The following PCSK5 variants were observed in gnomAD, a reference collection of about 807,000 sequenced individuals.
PCSK5 encodes the protein proprotein convertase subtilisin/kexin type 5.
Under a neutral mutation model 233.2 loss-of-function variants are expected in PCSK5, and 129 were observed. The observed-to-expected ratio is 0.55, with a 90% CI of 0.48 to 0.64. The LOEUF is 0.64. Ranked by LOEUF, PCSK5 falls within the 30% of genes least tolerant of loss-of-function variation. PCSK5 has a pLI of 0.00. For synonymous variants in PCSK5, 825 were observed against 879.2 expected (o/e 0.94, Z 1.09); for missense variants, 2,076 against 2,430.1 (o/e 0.85, Z 3.06).
At chr9:75,919,424 A>C (rs1823145519) in intron 1 of PCSK5, among the ~76,000 whole-genome samples, 1 of 152,150 alleles carries the variant, frequency 6.6e-6, no homozygotes, top group Admixed American at 6.5e-5. Flanking sequence ...GTCATGTACA[A>C]GTTTTTGAGT....
At chr9:76,327,862 C>T in intron 32 of PCSK5, 147 bp from the exon 33 acceptor site, 1 of 677,800 alleles carries the variant, frequency 1.5e-6, no homozygotes, top group Non-Finnish European at 2.7e-6. Context: ...GTACTCAACT[C>T]ATGGCCCCAC....
intron 7 of PCSK5, among the ~76,000 whole-genome samples, chr9:76,080,901 A>G (rs934211665): frequency 3.3e-5 from 5 of 152,222 alleles, no homozygotes. Flanking sequence ...TAATCATGCA[A>G]AATACCATAA....
chr9:75,906,476 C>T (rs1826269918), intron 1 of PCSK5, among the ~76,000 whole-genome samples: 3 of 152,170 alleles, frequency 2.0e-5, no homozygotes, highest in Non-Finnish European at 4.4e-5. Context: ...CTGCCTGCCT[C>T]AGCCTCCCAA....
chr9:76,190,620 A>G (rs7860028), intron 20 of PCSK5, among the ~76,000 whole-genome samples: 8,604 of 142,264 alleles, frequency 0.06, 660 homozygotes, highest in East Asian at 0.24. Context: ...ATCTCCTATT[A>G]TTTGGATTGT....
intron 20 of PCSK5, among the ~76,000 whole-genome samples, 168 bp downstream of exon 20, chr9:76,189,914 G>A (rs1339633817): frequency 2.0e-5 from 3 of 152,180 alleles, no homozygotes; most frequent in African/African-American, 4.8e-5. Flanking sequence ...TAATGGATTT[G>A]TTTGAATTGC....
intron 5 of PCSK5, among the ~76,000 whole-genome samples, chr9:76,038,673 A>G (rs1465658501): frequency 6.6e-6 from 1 of 152,216 alleles, no homozygotes; most frequent in Non-Finnish European, 1.5e-5. Context: ...TGAAGAGATC[A>G]AAGAGTTGGG....
intron 8 of PCSK5, among the ~76,000 whole-genome samples, chr9:76,101,996 G>A (rs80013826): frequency 1.6e-3 from 240 of 152,182 alleles, no homozygotes; most frequent in African/African-American, 5.3e-3. Context: ...ATGTGTTTTT[G>A]TTTATTTGGA....
chr9:76,205,529 T>A (rs77388602), intron 20 of PCSK5, among the ~76,000 whole-genome samples: 2,970 of 152,294 alleles, frequency 0.02, 108 homozygotes, highest in African/African-American at 0.067. Context: ...CCCACCATTC[T>A]GTAATATGTA....
chr9:76,075,174 C>T (rs1330712216), intron 7 of PCSK5, among the ~76,000 whole-genome samples: 1 of 152,014 alleles, frequency 6.6e-6, no homozygotes, highest in African/African-American at 2.4e-5. Context: ...GAGCCAAGAT[C>T]ACGCCACTGC....
chr9:76,357,065 T>A (rs185823207), intron 37 of PCSK5, among the ~76,000 whole-genome samples: 1 of 152,310 alleles, frequency 6.6e-6, no homozygotes, highest in Admixed American at 6.5e-5. Context: ...ACCCAAATCA[T>A]ACCACCTGGA....
intron 24 of PCSK5, among the ~76,000 whole-genome samples, chr9:76,250,355 T>G (rs760906836): frequency 6.6e-6 from 1 of 152,230 alleles, no homozygotes; most frequent in Non-Finnish European, 1.5e-5. Context: ...CTGTGACTTT[T>G]ATCCAAGAGC....
At chr9:75,973,603 T>C (rs1406179107) in intron 2 of PCSK5, among the ~76,000 whole-genome samples, 7 of 152,214 alleles carry the variant, frequency 4.6e-5, no homozygotes, top group Non-Finnish European at 8.8e-5. Context: ...GGAAATCTAA[T>C]TAGATCCTCA....
intron 10 of PCSK5, 91 bp from the exon 11 acceptor site, chr9:76,156,954 C>T (rs1458076353): frequency 7.5e-6 from 6 of 795,266 alleles, no homozygotes; most frequent in Non-Finnish European, 1.1e-5. Context: ...AGCTAGGATC[C>T]CATAGGGTGG....
At chr9:76,338,598 T>A (rs188875842) in intron 35 of PCSK5, among the ~76,000 whole-genome samples, 151 bp downstream of exon 35, 292 of 152,184 alleles carry the variant, frequency 1.9e-3, no homozygotes, top group Non-Finnish European at 3.1e-3. Flanking sequence ...CGCCCTCTGT[T>A]CGCTCTTAAC....
chr9:76,023,605 C>T, intron 3 of PCSK5, 133 bp from the exon 4 acceptor site: 1 of 716,726 alleles, frequency 1.4e-6, no homozygotes, highest in Non-Finnish European at 2.2e-6. Flanking sequence ...TTTGAGGTTA[C>T]AGTAAGCTCA....
intron 17 of PCSK5, among the ~76,000 whole-genome samples, chr9:76,187,204 G>A (rs1824144840): frequency 2.0e-5 from 3 of 152,142 alleles, no homozygotes; most frequent in Admixed American, 2.0e-4. Context: ...CAATTAAGAT[G>A]TCAATTTGGA....
At chr9:76,293,702 A>C (rs998885844) in intron 25 of PCSK5, among the ~76,000 whole-genome samples, 4 of 152,200 alleles carry the variant, frequency 2.6e-5, no homozygotes, top group Non-Finnish European at 5.9e-5. Context: ...TAAACGTTGG[A>C]GCCAAACCTG....
intron 13 of PCSK5, among the ~76,000 whole-genome samples, chr9:76,173,495 CCTTTTTTTTTTTTTTTTTTTTT>C (rs1823419262): frequency 2.9e-5 from 1 of 34,582 alleles, no homozygotes; most frequent in African/African-American, 9.7e-5. Flanking sequence ...AGGCACGTTT[CCTTTTTTTTTTTTTTTTTTTTT>C]TTTTTTTTTT....
rs13291444 is a variant in PCSK5 at position 75,999,235 on chromosome 9, G to C, written c.411+12990G>C. Among the ~76,000 whole-genome samples the C allele has an allele frequency of 2.6e-4, 40 of 151,654 alleles. 1 individual carries two copies. Among genetic ancestry groups the C allele is most frequent in the African/African-American group, 8.7e-4 (36 of 41,276 alleles). On this transcript the variant is annotated intron_variant, in intron 3 of 37. Coordinates refer to ENST00000674117, the MANE Select transcript of PCSK5 (RefSeq NM_001372043.1). ...AGCCCCCCAGCCCCCAACAGGCCTC[G>C]GTGTGTGATGTTCCCCTCCCTGTGT...
Sources: allele counts gnomAD v4.1 joint callset (sites outside exome capture counted in the v4.1 genomes callset), GRCh38; gene constraint gnomAD v4.1.1; transcripts MANE v1.5; gene names NCBI Gene and HGNC (gene_info 2026-07-23, HGNC 2026-07-21).